JAZF1: variants seen among roughly 807,000 people sequenced by gnomAD.
JAZF1 encodes the protein JAZF zinc finger 1, also known as juxtaposed with another zinc finger protein 1.
In JAZF1, 8 loss-of-function variants were observed where a neutral mutation model predicts 26.4. That is an observed-to-expected ratio of 0.30 (90% CI 0.18 to 0.55). The LOEUF is 0.55. Ranked by LOEUF, JAZF1 falls within the 20% of genes least tolerant of loss-of-function variation. The pLI is 0.94. For missense variants in JAZF1, 199 were observed against 322.0 expected, an observed-to-expected ratio of 0.62 and a Z score of 2.92; for synonymous variants, 126 against 122.3, an observed-to-expected ratio of 1.03 and a Z score of -0.20.
chr7:28,109,736 T>C (rs960282690), intron 1 of JAZF1, among the ~76,000 whole-genome samples: 3 of 152,144 alleles, frequency 2.0e-5, no homozygotes, highest in African/African-American at 7.2e-5. Context: ...TAATGGTCCT[T>C]CCATCACCCA....
chr7:28,064,576 CA>C (rs1343566219), intron 1 of JAZF1, among the ~76,000 whole-genome samples: 1 of 152,134 alleles, frequency 6.6e-6, no homozygotes, highest in Non-Finnish European at 1.5e-5. Flanking sequence ...GTTGAGGAAG[CA>C]AACTTTCAAC....
chr7:27,833,488 C>T (rs1177602640), intron 4 of JAZF1, among the ~76,000 whole-genome samples: 2 of 152,194 alleles, frequency 1.3e-5, no homozygotes, highest in African/African-American at 2.4e-5. Context: ...CATGCCTTAA[C>T]CAGAGTTTTT....
At chr7:28,033,013 T>G (rs1250597997) in intron 1 of JAZF1, among the ~76,000 whole-genome samples, 1 of 152,166 alleles carries the variant, frequency 6.6e-6, no homozygotes, top group Non-Finnish European at 1.5e-5. Context: ...CCCTTCATCT[T>G]TACTCTCTAA....
chr7:28,056,843 G>A (rs994250765), intron 1 of JAZF1, among the ~76,000 whole-genome samples: 1 of 152,140 alleles, frequency 6.6e-6, no homozygotes, highest in Non-Finnish European at 1.5e-5. Context: ...AAGGTACAAC[G>A]ATATTCCAGA....
At chr7:27,868,522 C>T (rs1390013306) in intron 3 of JAZF1, among the ~76,000 whole-genome samples, 2 of 152,234 alleles carry the variant, frequency 1.3e-5, no homozygotes, top group Non-Finnish European at 2.9e-5. Context: ...GGCTGGTCGG[C>T]TCCCCAGCTG....
In JAZF1 at chr7:28,065,478, T is replaced by G. The variant is rs116479603; in HGVS notation, c.116-73497A>C. On this transcript the variant is annotated intron_variant, in intron 1 of 4. Transcript: ENST00000283928. ...GGTGAGGGAATGGAAGAAACACACT[T>G]TGTTTATTGCACAATGTTTCACAGA... Among the ~76,000 whole-genome samples, 648 of 152,202 alleles carry G rather than the reference T, an allele frequency of 4.3e-3. 6 individuals carry two copies. Among genetic ancestry groups the G allele is most frequent in the African/African-American group, 0.015 (623 of 41,506 alleles).
chr7:28,149,459 C>G (rs1441215556), intron 1 of JAZF1, among the ~76,000 whole-genome samples: 5 of 152,082 alleles, frequency 3.3e-5, no homozygotes, highest in African/African-American at 4.8e-5. Flanking sequence ...GGGTCAAACT[C>G]AAAGTTCCCC....
At chr7:27,893,281 T>C (rs561566742) in intron 3 of JAZF1, among the ~76,000 whole-genome samples, 1 of 152,366 alleles carries the variant, frequency 6.6e-6, no homozygotes, top group South Asian at 2.1e-4. Flanking sequence ...AAACACACTT[T>C]GCACAATGGA....
chr7:27,859,103 G>T (rs1783328573), intron 3 of JAZF1, among the ~76,000 whole-genome samples: 1 of 152,166 alleles, frequency 6.6e-6, no homozygotes, highest in Non-Finnish European at 1.5e-5. Context: ...CATTTATGCG[G>T]CCAGCAAACA....
chr7:28,169,019 C>T (rs1783413652), intron 1 of JAZF1, among the ~76,000 whole-genome samples: 1 of 152,200 alleles, frequency 6.6e-6, no homozygotes, highest in Non-Finnish European at 1.5e-5. Context: ...TAAACACTGA[C>T]ATACACAGTG....
At chr7:27,887,729 T>C (rs1270487279) in intron 3 of JAZF1, among the ~76,000 whole-genome samples, 1 of 152,184 alleles carries the variant, frequency 6.6e-6, no homozygotes, top group African/African-American at 2.4e-5. Context: ...TTGATTGTTT[T>C]CTTCAAGTCA....
At chr7:28,129,483 G>A (rs1782754963) in intron 1 of JAZF1, among the ~76,000 whole-genome samples, 1 of 152,100 alleles carries the variant, frequency 6.6e-6, no homozygotes, top group African/African-American at 2.4e-5. Context: ...TTTTCATACA[G>A]GGATTTGTGT....
chr7:28,122,717 C>T (rs1782624530), intron 1 of JAZF1, among the ~76,000 whole-genome samples: 1 of 152,086 alleles, frequency 6.6e-6, no homozygotes, highest in South Asian at 2.1e-4. Flanking sequence ...CAACCAACAC[C>T]ACTCAAGCAG....
intron 1 of JAZF1, among the ~76,000 whole-genome samples, chr7:28,012,609 T>C (rs1562558713): frequency 6.6e-6 from 1 of 152,144 alleles, no homozygotes. Context: ...AGGGAGTTTC[T>C]TGGTGTCCAG....
chr7:27,862,425 C>T (rs562938816), intron 3 of JAZF1, among the ~76,000 whole-genome samples: 48 of 151,962 alleles, frequency 3.2e-4, no homozygotes, highest in African/African-American at 1.0e-3. Flanking sequence ...ACCCAATGAA[C>T]ATAAAGCTTT....
intron 3 of JAZF1, among the ~76,000 whole-genome samples, chr7:27,878,384 A>ACACG (rs1182771194): frequency 6.6e-6 from 1 of 151,954 alleles, no homozygotes; most frequent in Non-Finnish European, 1.5e-5. Flanking sequence ...ACACACACAC[A>ACACG]CACACCCCAT....
chr7:28,139,237 A>C (rs1163407128), intron 1 of JAZF1, among the ~76,000 whole-genome samples: 1 of 152,218 alleles, frequency 6.6e-6, no homozygotes, highest in Non-Finnish European at 1.5e-5. Flanking sequence ...ACACCAAAGG[A>C]AACTCTTTGC....
intron 1 of JAZF1, among the ~76,000 whole-genome samples, chr7:28,165,676 C>G (rs1783357185): frequency 6.6e-6 from 1 of 152,154 alleles, no homozygotes; most frequent in East Asian, 1.9e-4. Flanking sequence ...TCATTCACTC[C>G]CCTTCATTGA....
intron 1 of JAZF1, among the ~76,000 whole-genome samples, chr7:28,151,863 C>A (rs1038339776): frequency 1.3e-5 from 2 of 151,798 alleles, no homozygotes; most frequent in African/African-American, 2.4e-5. Context: ...TTTTAAAAAA[C>A]CTGCATTATC....
Sources: gnomAD v4.1 joint callset for allele counts (sites outside exome capture counted in the v4.1 genomes callset) on GRCh38, gnomAD v4.1.1 for gene constraint, MANE v1.5 for transcripts, NCBI Gene and HGNC (gene_info 2026-07-23, HGNC 2026-07-21) for gene names.